Variants in FNDC3A observed in about 807,000 individuals in gnomAD.
FNDC3A encodes fibronectin type III domain containing 3A.
Under a neutral mutation model 148.9 loss-of-function variants are expected in FNDC3A, and 32 were observed. The ratio of observed to expected loss-of-function variants is 0.21; its 90% confidence interval spans 0.16 to 0.29. The LOEUF (loss-of-function observed/expected upper bound fraction) is 0.29. Ranked by LOEUF, FNDC3A falls within the 10% of genes least tolerant of loss-of-function variation. The pLI, the probability that FNDC3A is intolerant of heterozygous loss-of-function variation, is 1.00. For missense variants in FNDC3A, 1,191 were observed against 1,452.8 expected (o/e 0.82, Z 2.93); for synonymous variants, 472 against 473.6 (o/e 1.00, Z 0.04).
chr13:49,185,877 G>A, intron 14 of FNDC3A, 87 bp from the exon 15 acceptor site: 1 of 1,017,106 alleles, frequency 9.8e-7, no homozygotes, highest in Non-Finnish European at 1.5e-6. Flanking sequence ...TTTGGTTGAA[G>A]CTGTTTGTCT....
At chr13:49,091,124 T>C (rs1005408094) in intron 3 of FNDC3A, among the ~76,000 whole-genome samples, 14 of 151,934 alleles carry the variant, frequency 9.2e-5, no homozygotes, top group Non-Finnish European at 1.0e-4. Context: ...AATAAAAAAA[T>C]CAGAACAATA....
At chr13:49,192,162 G>T (rs1343696203) in intron 19 of FNDC3A, among the ~76,000 whole-genome samples, 1 of 152,056 alleles carries the variant, frequency 6.6e-6, no homozygotes, top group Non-Finnish European at 1.5e-5. Context: ...TTCAACTATT[G>T]TATAATTAAA....
chr13:49,061,318 T>TCTTCTCTTCCCTTCCCTTCC (rs1566222179), intron 2 of FNDC3A, among the ~76,000 whole-genome samples: 16 of 99,960 alleles, frequency 1.6e-4, no homozygotes, highest in Non-Finnish European at 1.8e-4. Flanking sequence ...CCCTCTCTTC[T>TCTTCTCTTCCCTTCCCTTCC]CTTCCCTTCC....
At chr13:49,182,249 A>G (rs1885342754) in intron 14 of FNDC3A, among the ~76,000 whole-genome samples, 1 of 152,138 alleles carries the variant, frequency 6.6e-6, no homozygotes, top group Admixed American at 6.5e-5. Flanking sequence ...TCAGCCTCCC[A>G]AAGTACTAGG....
chr13:49,196,839 G>A (rs1024391006), intron 19 of FNDC3A, 38 bp from the exon 20 acceptor site: 3 of 1,137,242 alleles, frequency 2.6e-6, no homozygotes, highest in Non-Finnish European at 3.9e-6. Flanking sequence ...ACATTTAAGG[G>A]TGAAAAATAA....
intron 1 of FNDC3A, among the ~76,000 whole-genome samples, chr13:48,991,239 G>T (rs950598945): frequency 1.3e-5 from 2 of 152,174 alleles, no homozygotes; most frequent in Non-Finnish European, 2.9e-5. Flanking sequence ...AAAAAGATAT[G>T]CCATGCTTAC....
intron 4 of FNDC3A, among the ~76,000 whole-genome samples, chr13:49,122,239 A>G (rs1204780664): frequency 4.6e-5 from 7 of 152,208 alleles, no homozygotes; most frequent in Admixed American, 2.6e-4. Flanking sequence ...AACAGCACCA[A>G]TGACAAAAAT....
chr13:48,977,071 G>A (rs144659052), intron 1 of FNDC3A, among the ~76,000 whole-genome samples: 224 of 152,330 alleles, frequency 1.5e-3, no homozygotes, highest in African/African-American at 5.1e-3. Context: ...TTTGCTGGGG[G>A]TGCTAGAGAT....
At chr13:49,068,379 T>A (rs770694526) in intron 2 of FNDC3A, among the ~76,000 whole-genome samples, 9 of 151,796 alleles carry the variant, frequency 5.9e-5, no homozygotes, top group Non-Finnish European at 8.8e-5. Flanking sequence ...ATAAATTAAT[T>A]AATTAATTAA....
chr13:49,196,962 C>T lies in FNDC3A; in HGVS notation c.2312C>T (p.Ser771Phe). The change falls in exon 20 of 26, where the codon TCT becomes TTT. Residue 771 changes from serine to phenylalanine, a missense_variant. Ser to Phe is a radical substitution (Grantham distance 155). This residue lies in a region of FNDC3A where 751 missense variants were observed against 944.0 expected (regional missense o/e 0.80). Transcript: ENST00000492622. Reference sequence around the variant, plus strand: ...AAGCCCCCTCAAGTGACATGTAGATCTGCAACTTGTGCACAAGTGAATTGG... The same window carrying T: ...AAGCCCCCTCAAGTGACATGTAGATTTGCAACTTGTGCACAAGTGAATTGG... ...QCKPPQVTCR[S>F]ATCAQVNWEV... The T allele has an allele frequency of 6.2e-7, 1 of 1,610,794 alleles. No individual in the cohort carries two copies. Among genetic ancestry groups the T allele is most frequent in the Non-Finnish European group, 8.5e-7 (1 of 1,178,036 alleles).
At chr13:49,032,981 G>A (rs980587949) in intron 2 of FNDC3A, among the ~76,000 whole-genome samples, 61 of 152,132 alleles carry the variant, frequency 4.0e-4, no homozygotes, top group African/African-American at 1.4e-3. Context: ...ATTATTATAA[G>A]ACTAAGTATT....
intron 9 of FNDC3A, among the ~76,000 whole-genome samples, chr13:49,167,808 A>G (rs1295091566): frequency 6.6e-6 from 1 of 152,232 alleles, no homozygotes; most frequent in Admixed American, 6.5e-5. Context: ...TCAAGGACTA[A>G]TCATCCTGTT....
intron 3 of FNDC3A, among the ~76,000 whole-genome samples, chr13:49,082,771 C>T (rs1483045298): frequency 1.3e-5 from 2 of 151,948 alleles, no homozygotes; most frequent in Admixed American, 1.3e-4. Context: ...GGAATTCACA[C>T]AAGAAGGCAG....
intron 2 of FNDC3A, among the ~76,000 whole-genome samples, chr13:49,033,776 G>A (rs1874297892): frequency 6.6e-6 from 1 of 151,774 alleles, no homozygotes. Context: ...TATTGGTCAA[G>A]GAGTAAGATC....
intron 11 of FNDC3A, among the ~76,000 whole-genome samples, chr13:49,173,019 A>T (rs1285041985): frequency 1.3e-5 from 2 of 152,212 alleles, no homozygotes; most frequent in Admixed American, 6.5e-5. Flanking sequence ...ATGAGCTTTT[A>T]AAAAAATGAC....
In FNDC3A at chr13:49,049,238, G is replaced by C. The variant is rs541772372; in HGVS notation, c.100-26051G>C. On this transcript the variant is annotated intron_variant, in intron 2 of 25. Transcript: ENST00000492622. ...TATTTTGTTGAGAATTTTTGTCTCT[G>C]TGTTTATCAGGGATATTGGTCTGTA... 1.5e-4 allele frequency among the ~76,000 whole-genome samples: 23 copies of C among 152,166 alleles called. No homozygotes were observed. The South Asian group carries it at 4.8e-3, about 32-fold the overall frequency.
intron 1 of FNDC3A, among the ~76,000 whole-genome samples, chr13:49,003,303 G>T (rs916437533): frequency 2.3e-4 from 35 of 152,182 alleles, no homozygotes; most frequent in African/African-American, 8.4e-4. Flanking sequence ...GACCTCAAGT[G>T]ATGTGCCTAC....
At chr13:49,011,637 A>T (rs1223661694) in intron 2 of FNDC3A, among the ~76,000 whole-genome samples, 1 of 152,122 alleles carries the variant, frequency 6.6e-6, no homozygotes, top group African/African-American at 2.4e-5. Flanking sequence ...CTCTACAAAA[A>T]AATTTAAAAT....
intron 2 of FNDC3A, among the ~76,000 whole-genome samples, chr13:49,041,279 A>G (rs2137686262): frequency 6.6e-6 from 1 of 152,328 alleles, no homozygotes; most frequent in South Asian, 2.1e-4. Context: ...ATTCCCTAAA[A>G]TAACTATTTC....
Sources: gnomAD v4.1 joint callset for allele counts (sites outside exome capture counted in the v4.1 genomes callset) on GRCh38, gnomAD v4.1.1 for gene constraint, gnomAD v4.1.1 regional missense constraint, MANE v1.5 for transcripts, NCBI Gene and HGNC (gene_info 2026-07-23, HGNC 2026-07-21) for gene names.